Variants in FAM184A observed in about 807,000 individuals in gnomAD.
FAM184A encodes the protein family with sequence similarity 184 member A, also known as protein FAM184A.
In FAM184A, 99 loss-of-function variants were observed where a neutral mutation model predicts 143.8. The ratio of observed to expected loss-of-function variants is 0.69; its 90% CI spans 0.58 to 0.81. The LOEUF (loss-of-function observed/expected upper bound fraction) is 0.81. FAM184A is among the 40% of genes least tolerant of loss of function. FAM184A has a pLI of 0.00. For synonymous variants in FAM184A, 427 were observed against 446.4 expected (o/e 0.96, Z 0.55); for missense variants, 1,217 against 1,310.5 (o/e 0.93, Z 1.10).
chr6:119,131,192 A>C (rs1789525374), intron 1 of FAM184A, among the ~76,000 whole-genome samples: 1 of 152,056 alleles, frequency 6.6e-6, no homozygotes, highest in Non-Finnish European at 1.5e-5. Context: ...TGAATTTCCT[A>C]AATCAAAGGT....
At chr6:119,120,568 G>A (rs1449034787) in intron 1 of FAM184A, among the ~76,000 whole-genome samples, 3 of 152,078 alleles carry the variant, frequency 2.0e-5, no homozygotes. Flanking sequence ...ACATTTTAAG[G>A]AACTCCCAAC....
At chr6:119,051,438 G>GA (rs1162768656) in intron 1 of FAM184A, among the ~76,000 whole-genome samples, 2 of 151,886 alleles carry the variant, frequency 1.3e-5, no homozygotes, top group African/African-American at 4.8e-5. Flanking sequence ...GGTACCAAAA[G>GA]AAAAAAATGA....
intron 1 of FAM184A, among the ~76,000 whole-genome samples, chr6:119,065,639 C>A (rs540155790): frequency 6.6e-6 from 1 of 152,136 alleles, no homozygotes; most frequent in African/African-American, 2.4e-5. Flanking sequence ...ATGACAGACC[C>A]GTTATCCTCA....
At chr6:119,109,984 A>T (rs1235634971) in intron 1 of FAM184A, among the ~76,000 whole-genome samples, 1 of 152,228 alleles carries the variant, frequency 6.6e-6, no homozygotes, top group Non-Finnish European at 1.5e-5. Context: ...CATTTAACTC[A>T]TCGATGCATC....
At chr6:119,148,628 A>G (rs1036446407) in intron 1 of FAM184A, among the ~76,000 whole-genome samples, 1 of 152,104 alleles carries the variant, frequency 6.6e-6, no homozygotes, top group African/African-American at 2.4e-5. Flanking sequence ...GCACTGTTCT[A>G]TAAGCCTCCC....
chr6:119,024,525 G>T lies in FAM184A; in HGVS notation c.448C>A (p.Arg150Ser). 1 of 1,613,908 alleles carries T rather than the reference G, an allele frequency of 6.2e-7. No individual in the cohort carries two copies. Among genetic ancestry groups the T allele is most frequent in the Non-Finnish European group, 8.5e-7 (1 of 1,179,970 alleles). ...QLCAEAQHVQ[R>S]IVTMSREVEE... ...ACTTCTCTAGACATGGTCACTATGC[G>T]TTGGACATGCTGGGCTTCTGCACAA... The change falls in exon 2 of 18, where the codon CGC becomes AGC. Residue 150 changes from arginine (R) to serine (S), a missense_variant. Transcript: ENST00000338891.
Position 118,966,963 on chromosome 6 carries a change from G to C in FAM184A, c.2916-11C>G, listed in dbSNP as rs758050482. The C allele has an allele frequency of 1.5e-6, 2 of 1,323,480 alleles. No homozygotes were observed. Among genetic ancestry groups the C allele is most frequent in the Non-Finnish European group, 1.1e-6 (1 of 930,720 alleles). The allele number at this position is 1,323,480 out of a possible 1,614,324, so 82.0% of individuals were successfully genotyped here. ...TCCATTTCTTCTAATCTGAAAACAA[G>C]AAAGACTTTAGCTCATTGATATCAC... On this transcript the variant is annotated splice_polypyrimidine_tract_variant and intron_variant, in intron 14 of 17. Transcript: ENST00000338891.
chr6:119,019,050 C>A (rs1406473316), intron 4 of FAM184A, among the ~76,000 whole-genome samples: 1 of 151,970 alleles, frequency 6.6e-6, no homozygotes, highest in African/African-American at 2.4e-5. Context: ...AAATGTCTGG[C>A]CTGGACCTAA....
rs771665275 is a variant in FAM184A, at chr6:119,003,649, G to GTAA, written c.1816-28_1816-27insTTA. On this transcript the variant is annotated intron_variant, in intron 7 of 17. Transcript: ENST00000338891. ...TGAAGAATAAAAACTTTTCAATGAA[G>GTAA]ACTAAACTTCAAAAACAAACACTGC... 14 of 1,573,906 alleles carry GTAA rather than the reference G, an allele frequency of 8.9e-6. No individual in the cohort carries two copies. The South Asian group carries it at 1.7e-4, about 19-fold the overall frequency.
At chr6:118,968,727 T>G (rs1001607725) in intron 14 of FAM184A, among the ~76,000 whole-genome samples, 1 of 152,202 alleles carries the variant, frequency 6.6e-6, no homozygotes, top group Non-Finnish European at 1.5e-5. Context: ...ACAACTAAAT[T>G]TAAAGCCTTA....
chr6:118,962,604 T>C (rs1418871523), intron 16 of FAM184A: 1 of 152,242 alleles, frequency 6.6e-6, no homozygotes, highest in Non-Finnish European at 1.5e-5. Flanking sequence ...CTAATTTCCA[T>C]ATTACTTGGC....
Position 119,076,975 on chromosome 6 carries a change from T to A in FAM184A, c.159+1166A>T, listed in dbSNP as rs111365051. Among the ~76,000 whole-genome samples the A allele has an allele frequency of 1.7e-4, 26 of 152,366 alleles. 1 individual carries two copies. Among genetic ancestry groups the A allele is most frequent in the African/African-American group, 6.3e-4 (26 of 41,582 alleles). Reference sequence around the variant, plus strand: ...CAAGACGTTGGTTGAGTTTTACTGTTATGTACCTGTAACTTTTCTTTTGCT... The same window carrying A: ...CAAGACGTTGGTTGAGTTTTACTGTAATGTACCTGTAACTTTTCTTTTGCT... On this transcript the variant is annotated intron_variant, in intron 1 of 17. Coordinates refer to ENST00000338891, the MANE Select transcript of FAM184A (RefSeq NM_024581.6).
intron 1 of FAM184A, among the ~76,000 whole-genome samples, chr6:119,052,062 C>T (rs191386158): frequency 1.2e-3 from 189 of 152,296 alleles, no homozygotes; most frequent in Non-Finnish European, 1.7e-3. Context: ...TGCAGTCTCT[C>T]ACATAGTGAT....
intron 1 of FAM184A, among the ~76,000 whole-genome samples, chr6:119,039,313 T>C (rs1786231049): frequency 6.6e-6 from 1 of 152,220 alleles, no homozygotes; most frequent in East Asian, 1.9e-4. Context: ...TAAAAATATA[T>C]GTCCATACAA....
intron 15 of FAM184A, 46 bp downstream of exon 15, chr6:118,966,789 A>G: frequency 1.2e-6 from 1 of 868,008 alleles, no homozygotes; most frequent in East Asian, 2.5e-5. Flanking sequence ...CCCAATCAAT[A>G]TCTATTGATT....
intron 14 of FAM184A, among the ~76,000 whole-genome samples, chr6:118,970,456 T>C (rs2114554723): frequency 6.6e-6 from 1 of 152,332 alleles, no homozygotes; most frequent in Admixed American, 6.5e-5. Flanking sequence ...AGCTTAGCTT[T>C]TATTTAGAAT....
In FAM184A at chr6:118,979,379, C is replaced by T; in HGVS notation, c.2441G>A (p.Gly814Glu). The change falls in exon 11 of 18, where the codon GGA (glycine) becomes GAA (glutamate). Residue 814 changes from glycine to glutamate, a missense_variant. Transcript: ENST00000338891. The part of the protein sequence containing the change: ...QTLRFELEDE[G>E]KAMLASLRSE... ...TTTCAAAATACCAAGCATAGCCTTT[C>T]CTTCATCTTCTAATTCAAACCGAAG... is the stretch of plus-strand genomic sequence containing the variant. 1 of 1,610,240 alleles carries T rather than the reference C, an allele frequency of 6.2e-7. No homozygotes were observed. Among genetic ancestry groups the T allele is most frequent in the Non-Finnish European group, 8.5e-7 (1 of 1,178,832 alleles).
intron 9 of FAM184A, among the ~76,000 whole-genome samples, chr6:118,981,083 G>T (rs550624550): frequency 4.6e-5 from 7 of 152,130 alleles, no homozygotes; most frequent in African/African-American, 1.7e-4. Flanking sequence ...TTTCACTATG[G>T]AAAACTGATT....
chr6:119,081,454 T>A (rs181620099), upstream of FAM184A, among the ~76,000 whole-genome samples: 1 of 152,238 alleles, frequency 6.6e-6, no homozygotes, highest in Admixed American at 6.5e-5. Flanking sequence ...TAGGGGTGAA[T>A]GTTTATAGCC....
Sources: allele counts gnomAD v4.1 joint callset (sites outside exome capture counted in the v4.1 genomes callset), GRCh38; gene constraint gnomAD v4.1.1; transcripts MANE v1.5; gene names NCBI Gene and HGNC (gene_info 2026-07-23, HGNC 2026-07-21).